Variants in ELMO2 observed in about 807,000 individuals in gnomAD.
The protein encoded by ELMO2 is engulfment and cell motility 2.
A neutral mutation model predicts 96.2 loss-of-function variants in ELMO2; 37 were observed. The observed-to-expected ratio is 0.38, with a 90% CI of 0.30 to 0.51. ELMO2 has a LOEUF of 0.51. ELMO2 is among the 20% of genes least tolerant of loss of function. ELMO2 has a pLI of 0.88. For missense variants in ELMO2, 561 were observed against 912.6 expected (o/e 0.61, Z 4.96); for synonymous variants, 315 against 329.4 (o/e 0.96, Z 0.47).
chr20:46,391,566 C>G (rs955856373), intron 6 of ELMO2, among the ~76,000 whole-genome samples: 6 of 152,124 alleles, frequency 3.9e-5, no homozygotes, highest in African/African-American at 1.4e-4. Context: ...CAAATGTAAC[C>G]AAAGGTGCAA....
rs112325219 is a variant in ELMO2 at position 46,375,214 on chromosome 20, G to A, written c.1065+22C>T. ...CCATCAGGGGAGAGGGCCTACCACC[G>A]TCTATGCTCTGAGGTACTTACGGTA... On this transcript the variant is annotated intron_variant, in intron 13 of 21. Transcript: ENST00000290246. The surrounding 1 kb of genome is among the most constrained non-coding windows in gnomAD (Gnocchi z 4.6). The A allele has an allele frequency of 4.8e-5, 78 of 1,610,822 alleles. 1 individual carries two copies. The highest frequency in any genetic ancestry group is 2.3e-4 in the African/African-American group (17 of 75,016).
chr20:46,380,138 A>G (rs891999429), intron 11 of ELMO2, 115 bp downstream of exon 11: 8 of 872,428 alleles, frequency 9.2e-6, no homozygotes, highest in Non-Finnish European at 1.4e-5. Flanking sequence ...ACCTATTGAT[A>G]AGGTTCCTCT....
intron 1 of ELMO2, among the ~76,000 whole-genome samples, chr20:46,401,795 C>T (rs2060341122): frequency 6.6e-6 from 1 of 152,198 alleles, no homozygotes. Context: ...ACCTTCAAGG[C>T]CCAGCTAAGA....
intron 15 of ELMO2, among the ~76,000 whole-genome samples, chr20:46,374,049 C>G (rs2059793604): frequency 6.7e-6 from 1 of 148,600 alleles, no homozygotes; most frequent in African/African-American, 2.5e-5. Context: ...GCCTCAGCTT[C>G]CTGAGTAGTT....
intron 11 of ELMO2, among the ~76,000 whole-genome samples, chr20:46,376,539 A>G (rs1417510149): frequency 1.3e-5 from 2 of 151,438 alleles, no homozygotes; most frequent in Admixed American, 1.3e-4. Flanking sequence ...GTCCTGTCTC[A>G]TGTTCTGTCT....
At chr20:46,403,268 A>G (rs2060365749) in intron 1 of ELMO2, among the ~76,000 whole-genome samples, 1 of 149,494 alleles carries the variant, frequency 6.7e-6, no homozygotes, top group South Asian at 2.1e-4. Context: ...TTGGTGTTCC[A>G]CTATTATTAT....
intron 9 of ELMO2, among the ~76,000 whole-genome samples, chr20:46,383,701 C>T (rs1381151411): frequency 2.0e-5 from 3 of 152,108 alleles, no homozygotes; most frequent in Non-Finnish European, 2.9e-5. Flanking sequence ...GAGAGCTATG[C>T]AAGATTTACT....
At chr20:46,388,572 G>T (rs2060090669) in intron 7 of ELMO2, among the ~76,000 whole-genome samples, 1 of 151,236 alleles carries the variant, frequency 6.6e-6, no homozygotes, top group Non-Finnish European at 1.5e-5. Flanking sequence ...GTTGACACCT[G>T]TGGTAAACAC....
chr20:46,374,598 C>T lies in ELMO2; in HGVS notation c.1108G>A (p.Gly370Arg). 6.2e-7 allele frequency: 1 copy of T among 1,614,138 alleles called. No individual in the cohort carries two copies. Among genetic ancestry groups the T allele is most frequent in the Non-Finnish European group, 8.5e-7 (1 of 1,180,018 alleles). The change falls in exon 14 of 22, where the codon GGA becomes AGA. Residue 370 changes from glycine to arginine, a missense_variant. Gly to Arg is a moderately radical substitution (Grantham distance 125, BLOSUM62 -2). Coordinates refer to ENST00000290246, the MANE Select transcript of ELMO2 (RefSeq NM_133171.5). ...AGCATGTTGTCCAAGGCCAGCATTC[C>T]AGGAGGAGTCTGGGTAAAGTCCATG... The part of the protein sequence containing the change: ...PAMDFTQTPP[G>R]MLALDNMLYL...
At chr20:46,376,928 T>G in intron 11 of ELMO2, 2 of 715,112 alleles carry the variant, frequency 2.8e-6, no homozygotes, top group Non-Finnish European at 4.0e-6. Flanking sequence ...ACCAGCCACA[T>G]TTTAAGTGCT....
chr20:46,386,051 T>A, intron 9 of ELMO2, 73 bp downstream of exon 9: 3 of 1,529,926 alleles, frequency 2.0e-6, no homozygotes, highest in Non-Finnish European at 2.7e-6. Flanking sequence ...AGAGTAGGAT[T>A]GGAAGACTTA....
chr20:46,400,479 C>T (rs2060316988), intron 1 of ELMO2, among the ~76,000 whole-genome samples: 1 of 152,264 alleles, frequency 6.6e-6, no homozygotes, highest in African/African-American at 2.4e-5. Flanking sequence ...TAGCCTCTTG[C>T]TCCGCCACTC....
intron 10 of ELMO2, chr20:46,382,117 C>T: frequency 5.1e-6 from 6 of 1,170,652 alleles, no homozygotes; most frequent in South Asian, 1.3e-5. Context: ...ATGCCCTGAA[C>T]ATCTAGATCA....
At chr20:46,389,471 A>G (rs1057036222) in intron 6 of ELMO2, among the ~76,000 whole-genome samples, 10 of 152,204 alleles carry the variant, frequency 6.6e-5, no homozygotes, top group African/African-American at 2.4e-4. Flanking sequence ...ATTCCTACCA[A>G]GGGAATACTG....
chr20:46,405,297 C>T (rs1471049495), intron 1 of ELMO2, among the ~76,000 whole-genome samples: 1 of 152,126 alleles, frequency 6.6e-6, no homozygotes, highest in African/African-American at 2.4e-5. Context: ...AGAAGTGATG[C>T]TTAAGCGGAG....
chr20:46,373,252 G>T, intron 16 of ELMO2, 147 bp downstream of exon 16: 2 of 1,064,714 alleles, frequency 1.9e-6, no homozygotes, highest in Non-Finnish European at 2.7e-6. Flanking sequence ...TGGGGCTGAG[G>T]CTCCCCAGTG....
chr20:46,401,979 C>T (rs2060344606), intron 1 of ELMO2, among the ~76,000 whole-genome samples: 1 of 152,200 alleles, frequency 6.6e-6, no homozygotes, highest in Admixed American at 6.5e-5. Flanking sequence ...CCAGCAGCGG[C>T]AGTATCCCTG....
intron 16 of ELMO2, 52 bp from the exon 17 acceptor site, chr20:46,372,021 C>G: frequency 1.2e-6 from 2 of 1,608,816 alleles, no homozygotes; most frequent in Non-Finnish European, 1.7e-6. Context: ...GAGAAATGGA[C>G]AGGCCTATTA....
At chr20:46,387,643 AAAAAAAAAAAT>A (rs2060072018) in intron 7 of ELMO2, 6 of 230,148 alleles carry the variant, frequency 2.6e-5, no homozygotes, top group South Asian at 1.9e-4. Flanking sequence ...AAAAAAAAAA[AAAAAAAAAAAT>A]GTTGCTGGGT....
Sources: allele counts gnomAD v4.1 joint callset (sites outside exome capture counted in the v4.1 genomes callset), GRCh38; gene constraint gnomAD v4.1.1; non-coding constraint Gnocchi (gnomAD v3.1); transcripts MANE v1.5; gene names NCBI Gene and HGNC (gene_info 2026-07-23, HGNC 2026-07-21).